WDR47: variants seen among roughly 807,000 people sequenced by gnomAD.
The protein encoded by WDR47 is WD repeat domain 47.
WDR47 carries 32 observed loss-of-function variants against 97.2 expected under a neutral mutation model. The ratio of observed to expected loss-of-function variants is 0.33; its 90% CI spans 0.25 to 0.44. The LOEUF (loss-of-function observed/expected upper bound fraction) is 0.44, where lower values mean the gene tolerates loss of function less well. Among genes scored for constraint, WDR47 ranks in the 20% least tolerant of loss-of-function variants. The pLI, the probability that WDR47 is intolerant of heterozygous loss-of-function variation, is 1.00. For missense variants in WDR47, 782 were observed against 1,102.3 expected, an observed-to-expected ratio of 0.71 and a Z score of 4.11; for synonymous variants, 375 against 373.5, an observed-to-expected ratio of 1.00 and a Z score of -0.05.
intron 3 of WDR47, among the ~76,000 whole-genome samples, chr1:109,016,463 C>T (rs903000671): frequency 5.9e-5 from 9 of 152,042 alleles, no homozygotes; most frequent in Admixed American, 1.3e-4. Context: ...AAAAAAAGGA[C>T]GACGTCACAG....
intron 9 of WDR47, among the ~76,000 whole-genome samples, chr1:108,988,621 G>T (rs1393626109): frequency 1.3e-5 from 2 of 151,970 alleles, no homozygotes; most frequent in Non-Finnish European, 1.5e-5. Flanking sequence ...GGTCAAAGCT[G>T]CAGTGAGCTG....
At chr1:109,006,510 T>C (rs1557940816) in intron 5 of WDR47, among the ~76,000 whole-genome samples, 1 of 152,216 alleles carries the variant, frequency 6.6e-6, no homozygotes, top group African/African-American at 2.4e-5. Context: ...ATTAACTGTA[T>C]AAAGAATAAA....
chr1:108,981,639 T>A (rs1033942519), intron 13 of WDR47, 94 bp downstream of exon 13: 20 of 1,251,768 alleles, frequency 1.6e-5, no homozygotes, highest in Admixed American at 1.1e-4. Flanking sequence ...TATTTCACAA[T>A]TTTTTCTATT....
intron 1 of WDR47, among the ~76,000 whole-genome samples, chr1:109,029,586 C>T (rs1662466809): frequency 6.6e-6 from 1 of 151,690 alleles, no homozygotes; most frequent in Non-Finnish European, 1.5e-5. Context: ...ACTTGATTCT[C>T]ACTTGAACCT....
intron 10 of WDR47, among the ~76,000 whole-genome samples, chr1:108,984,936 T>G (rs1658661537): frequency 6.6e-6 from 1 of 152,008 alleles, no homozygotes. Context: ...ATAAAAAGAT[T>G]TTCTTTTCAG....
intron 3 of WDR47, among the ~76,000 whole-genome samples, chr1:109,016,050 G>C (rs1661393306): frequency 6.6e-6 from 1 of 151,722 alleles, no homozygotes; most frequent in South Asian, 2.1e-4. Flanking sequence ...TTCCAGCTGA[G>C]GGCACTCCCC....
chr1:108,988,348 C>T (rs1201481701), intron 9 of WDR47, among the ~76,000 whole-genome samples: 1 of 150,660 alleles, frequency 6.6e-6, no homozygotes, highest in Non-Finnish European at 1.5e-5. Flanking sequence ...AATAGAGTTT[C>T]ATTTGTGTTT....
intron 7 of WDR47, among the ~76,000 whole-genome samples, chr1:109,001,423 T>C (rs1384321320): frequency 6.6e-6 from 1 of 152,156 alleles, no homozygotes; most frequent in African/African-American, 2.4e-5. Flanking sequence ...ATTATAAAAA[T>C]AATTTTAATA....
intron 1 of WDR47, among the ~76,000 whole-genome samples, chr1:109,034,884 T>C (rs1662825970): frequency 6.6e-6 from 1 of 152,132 alleles, no homozygotes. Context: ...CAATAAATAT[T>C]TGTTGAATGA....
At chr1:109,020,440 T>C (rs987711348) in intron 2 of WDR47, among the ~76,000 whole-genome samples, 45 of 152,090 alleles carry the variant, frequency 3.0e-4, no homozygotes, top group African/African-American at 1.0e-3. Flanking sequence ...TTTTGTATTT[T>C]TAGTAGAGAC....
chr1:109,019,416 C>T (rs1661657606), intron 2 of WDR47, among the ~76,000 whole-genome samples: 1 of 149,482 alleles, frequency 6.7e-6, no homozygotes, highest in Admixed American at 6.7e-5. Flanking sequence ...GGAGTGGTGG[C>T]TCACACCTGT....
chr1:109,041,298 C>T (rs569078343), intron 1 of WDR47, among the ~76,000 whole-genome samples: 1 of 152,314 alleles, frequency 6.6e-6, no homozygotes, highest in Non-Finnish European at 1.5e-5. Context: ...TGCCCCTTTC[C>T]GCGACCACAC....
chr1:108,984,246 TG>T (rs1393246012), intron 10 of WDR47, among the ~76,000 whole-genome samples: 1 of 151,994 alleles, frequency 6.6e-6, no homozygotes, highest in Non-Finnish European at 1.5e-5. Flanking sequence ...ATTGGCTTAG[TG>T]GGGTAACAGC....
chr1:109,002,689 G>A (rs1660307270), intron 6 of WDR47, among the ~76,000 whole-genome samples: 1 of 152,196 alleles, frequency 6.6e-6, no homozygotes, highest in Non-Finnish European at 1.5e-5. Flanking sequence ...AGGGGGCCAT[G>A]ATCAGAGAAA....
chr1:109,004,851 C>A, intron 5 of WDR47, 136 bp from the exon 6 acceptor site: 2 of 1,076,118 alleles, frequency 1.9e-6, no homozygotes, highest in Non-Finnish European at 2.5e-6. Flanking sequence ...ACTGGAGTGA[C>A]GCAATCTCCG....
At chr1:108,972,818 G>A (rs1490824921) in intron 14 of WDR47, among the ~76,000 whole-genome samples, 3 of 151,988 alleles carry the variant, frequency 2.0e-5, no homozygotes, top group Non-Finnish European at 4.4e-5. Context: ...GTGGTGGCGG[G>A]CGCCTGTAGT....
intron 2 of WDR47, among the ~76,000 whole-genome samples, chr1:109,020,017 G>A (rs1661704602): frequency 1.3e-5 from 2 of 151,948 alleles, no homozygotes; most frequent in South Asian, 2.1e-4. Context: ...AGGCCAAGGT[G>A]GGAGAATCAT....
At chr1:108,985,513 A>G (rs1658721102) in intron 10 of WDR47, among the ~76,000 whole-genome samples, 1 of 152,170 alleles carries the variant, frequency 6.6e-6, no homozygotes, top group Admixed American at 6.5e-5. Flanking sequence ...CAAAATGTAT[A>G]TTTGTGTTCA....
chr1:109,010,947 A>G lies in WDR47; in HGVS notation c.1099T>C (p.Cys367Arg). Reference protein sequence around the residue: ...SRSLMLENTECHSIYEESPER... With the variant: ...SRSLMLENTERHSIYEESPER... ...GGGGATTCTTCGTAAATACTGTGAC[A>G]TTCTGTATTCTCAAGCATGAGACTT... The change falls in exon 5 of 15, where the codon TGT becomes CGT. Residue 367 changes from cysteine (C) to arginine (R), a missense_variant. This residue lies in a region of WDR47 where 428 missense variants were observed against 584.3 expected (regional missense o/e 0.73). Coordinates refer to ENST00000369962, the MANE Select transcript of WDR47 (RefSeq NM_001142551.2). The G allele has an allele frequency of 6.2e-7, 1 of 1,613,744 alleles. No individual in the cohort carries two copies. The highest frequency in any genetic ancestry group is 1.1e-5 in the South Asian group (1 of 91,056).
Sources: allele counts gnomAD v4.1 joint callset (sites outside exome capture counted in the v4.1 genomes callset), GRCh38; gene constraint gnomAD v4.1.1; regional missense constraint gnomAD v4.1.1; transcripts MANE v1.5; gene names NCBI Gene and HGNC (gene_info 2026-07-23, HGNC 2026-07-21).